The following FOXP1 variants were observed in gnomAD, a reference collection of about 807,000 sequenced individuals.
The protein encoded by FOXP1 is forkhead box protein P1.
In FOXP1, 15 loss-of-function variants were observed where a neutral mutation model predicts 98.2. That is an observed-to-expected ratio of 0.15 (90% CI 0.10 to 0.24). The LOEUF is 0.24. FOXP1 is among the 10% of genes least tolerant of loss of function. The pLI, the probability that FOXP1 is intolerant of heterozygous loss-of-function variation, is 1.00. For synonymous variants in FOXP1, 371 were observed against 314.5 expected (o/e 1.18, Z -1.90); for missense variants, 633 against 848.5 (o/e 0.75, Z 3.15).
chr3:71,237,189 G>C (rs1463990363), intron 5 of FOXP1, among the ~76,000 whole-genome samples: 2 of 110,014 alleles, frequency 1.8e-5, no homozygotes, highest in African/African-American at 7.1e-5. Flanking sequence ...CTGAGATTAT[G>C]CCACTGCACT....
At position 70,957,154 on chromosome 3, in the gene FOXP1, A is replaced by ATT; in HGVS notation, c.*2091_*2092dup. On this transcript the variant is annotated 3_prime_UTR_variant, in exon 21 of 21. Transcript: ENST00000649528. ...ACTCTAATTGCAGTGGCATACATTC[A>ATT]TTTTTTTTTTGAGATGGGACTCCCT... The ATT allele has an allele frequency of 9.4e-6, 2 of 212,192 alleles. No homozygotes were observed. The highest frequency in any genetic ancestry group is 1.9e-5 in the Non-Finnish European group (2 of 105,792). 13.1% of individuals were successfully genotyped at this position (212,192 alleles called of 1,614,324 possible).
At chr3:70,972,904 ATAAC>A (rs1336544946) in intron 17 of FOXP1, among the ~76,000 whole-genome samples, 4 of 152,230 alleles carry the variant, frequency 2.6e-5, no homozygotes, top group Non-Finnish European at 5.9e-5. Flanking sequence ...GTCTCTGGTA[ATAAC>A]TGACCAGCAG....
At chr3:71,461,803 G>GA (rs1032220939) in intron 3 of FOXP1, among the ~76,000 whole-genome samples, 199 of 137,392 alleles carry the variant, frequency 1.4e-3, no homozygotes, top group East Asian at 3.7e-3. Flanking sequence ...CTGTATCGAA[G>GA]AAAAAAAAAA....
At chr3:71,291,118 T>G (rs1025080855) in intron 5 of FOXP1, among the ~76,000 whole-genome samples, 16 of 152,160 alleles carry the variant, frequency 1.1e-4, no homozygotes, top group Admixed American at 5.2e-4. Context: ...ACCACGCCCT[T>G]GTTTATCACG....
At chr3:71,543,117 TC>T (rs767243270) in intron 2 of FOXP1, among the ~76,000 whole-genome samples, 3 of 152,134 alleles carry the variant, frequency 2.0e-5, no homozygotes, top group Non-Finnish European at 4.4e-5. Context: ...GCCGAGTTAT[TC>T]CCCGCTTCGG....
At chr3:71,006,740 G>A (rs1302299563) in intron 12 of FOXP1, among the ~76,000 whole-genome samples, 1 of 152,026 alleles carries the variant, frequency 6.6e-6, no homozygotes, top group Non-Finnish European at 1.5e-5. Flanking sequence ...ACTCAACAAT[G>A]CATCTACAGT....
Position 70,958,373 on chromosome 3 carries a change from T to TCATGTGTA in FOXP1, c.*866_*873dup. The TCATGTGTA allele has an allele frequency of 9.4e-6, 5 of 530,612 alleles. No homozygotes were observed. The highest frequency in any genetic ancestry group is 1.8e-5 in the Non-Finnish European group (5 of 274,450). The allele number at this position is 530,612 out of a possible 1,614,324, so 32.9% of individuals were successfully genotyped here. On this transcript the variant is annotated 3_prime_UTR_variant, in exon 21 of 21. Coordinates refer to ENST00000649528, the MANE Select transcript of FOXP1 (RefSeq NM_001349338.3). The stretch of plus-strand genomic sequence containing the variant: ...ACGTCACGTCTGTGTGAGAGGGCCT[T>TCATGTGTA]CATGTGTAGAGTGCAGCATTTGGGA...
chr3:71,324,990 A>G (rs958114829), intron 4 of FOXP1, among the ~76,000 whole-genome samples: 37 of 152,008 alleles, frequency 2.4e-4, no homozygotes, highest in African/African-American at 8.9e-4. Flanking sequence ...ATGTGGACCC[A>G]GCGCTGCTCT....
intron 3 of FOXP1, among the ~76,000 whole-genome samples, chr3:71,396,975 T>TATATATACAC (rs2081466246): frequency 1.7e-5 from 1 of 60,282 alleles, no homozygotes; most frequent in African/African-American, 7.4e-5. Context: ...TGTGTATATA[T>TATATATACAC]ATATATGTGT....
At chr3:71,416,100 A>G (rs911195962) in intron 3 of FOXP1, among the ~76,000 whole-genome samples, 1 of 152,234 alleles carries the variant, frequency 6.6e-6, no homozygotes, top group Admixed American at 6.5e-5. Context: ...AAGAACCTGT[A>G]AAGTTACATT....
At chr3:71,013,422 C>T (rs1286100050) in intron 12 of FOXP1, among the ~76,000 whole-genome samples, 5 of 152,118 alleles carry the variant, frequency 3.3e-5, no homozygotes, top group Admixed American at 2.6e-4. Flanking sequence ...GAATAAAATA[C>T]CTAGGAACCC....
chr3:71,192,646 T>C (rs544810816), intron 6 of FOXP1, among the ~76,000 whole-genome samples: 8 of 152,344 alleles, frequency 5.3e-5, no homozygotes, highest in African/African-American at 1.9e-4. Context: ...CATTTGCTTG[T>C]GTATTTTTTG....
chr3:71,224,599 T>C (rs931425466), intron 5 of FOXP1, among the ~76,000 whole-genome samples: 17 of 152,190 alleles, frequency 1.1e-4, no homozygotes, highest in African/African-American at 4.1e-4. Flanking sequence ...CCAGTGAGAC[T>C]GGACAAGCTT....
rs138455976 is a variant in FOXP1, at chr3:71,474,011, G to A, written c.-168+19415C>T. Among the ~76,000 whole-genome samples, 275 of 152,204 alleles carry A rather than the reference G, an allele frequency of 1.8e-3. 2 individuals are homozygous for A. The highest frequency in any genetic ancestry group is 5.8e-3 in the African/African-American group (241 of 41,524). On this transcript the variant is annotated intron_variant, in intron 3 of 20. Coordinates refer to ENST00000649528, the MANE Select transcript of FOXP1 (RefSeq NM_001349338.3). ...TAATGACTGGATGATCTATTACACC[G>A]TTCATAAAAGATAATATGGCAATAT...
chr3:71,184,207 T>C (rs894035175), intron 6 of FOXP1, among the ~76,000 whole-genome samples: 1 of 152,074 alleles, frequency 6.6e-6, no homozygotes, highest in Non-Finnish European at 1.5e-5. Flanking sequence ...ACATAAAAGT[T>C]TGAGAACCAC....
chr3:71,113,292 T>A (rs1027838323), intron 6 of FOXP1, among the ~76,000 whole-genome samples: 7 of 152,180 alleles, frequency 4.6e-5, no homozygotes, highest in Admixed American at 2.6e-4. Flanking sequence ...TTACGTTTAT[T>A]ATAAATGACC....
intron 6 of FOXP1, among the ~76,000 whole-genome samples, chr3:71,168,854 T>G (rs1037790524): frequency 7.2e-5 from 11 of 152,330 alleles, no homozygotes; most frequent in African/African-American, 2.6e-4. Context: ...TTTCTTTTTT[T>G]AAACAGGGGA....
At chr3:71,382,289 G>A (rs1322779393) in intron 3 of FOXP1, among the ~76,000 whole-genome samples, 1 of 151,808 alleles carries the variant, frequency 6.6e-6, no homozygotes, top group African/African-American at 2.4e-5. Flanking sequence ...AAAAAAGGTG[G>A]GGAGGAAAAA....
chr3:71,128,837 T>C (rs1026077019), intron 6 of FOXP1, among the ~76,000 whole-genome samples: 1 of 151,978 alleles, frequency 6.6e-6, no homozygotes, highest in Admixed American at 6.6e-5. Context: ...ATAAAAAGCC[T>C]GGCAAATTCT....
Sources: gnomAD v4.1 joint callset for allele counts (sites outside exome capture counted in the v4.1 genomes callset) on GRCh38, gnomAD v4.1.1 for gene constraint, MANE v1.5 for transcripts, NCBI Gene and HGNC (gene_info 2026-07-23, HGNC 2026-07-21) for gene names.